HECTD4: variants seen among roughly 807,000 people sequenced by gnomAD.
HECTD4 encodes probable E3 ubiquitin-protein ligase HECTD4.
Under a neutral mutation model 471.5 loss-of-function variants are expected in HECTD4, and 114 were observed. The ratio of observed to expected loss-of-function variants is 0.24; its 90% confidence interval spans 0.21 to 0.28. The LOEUF (loss-of-function observed/expected upper bound fraction) is 0.28, where lower values mean the gene tolerates loss of function less well. HECTD4 is among the 10% of genes least tolerant of loss of function. The pLI is 1.00. For missense variants in HECTD4, 3,866 were observed against 5,651.5 expected (o/e 0.68, Z 10.13); for synonymous variants, 2,012 against 2,256.0 (o/e 0.89, Z 3.07).
rs549440187 is a variant in HECTD4, at chr12:112,194,911, T to C, written c.8723A>G (p.Asn2908Ser). Residue 2908 changes from asparagine to serine, a missense_variant, in exon 56 of 76, where the codon AAT (asparagine) becomes AGT (serine). Physicochemically the swap from Asn to Ser is conservative, Grantham distance 46. Around this residue, in one of 16 missense-constraint regions of HECTD4, gnomAD observed 266 missense variants for 441.6 expected, o/e 0.60. Transcript: ENST00000682272. The surrounding 1 kb of genome is among the most constrained non-coding windows in gnomAD (Gnocchi z 4.6). ...TGGGAGAGGAGGTGCGAGGAGCTGATTGGACAGCAGTTGCAGGTGCTCCAG... is the reference window on the plus strand; with the variant it reads ...TGGGAGAGGAGGTGCGAGGAGCTGACTGGACAGCAGTTGCAGGTGCTCCAG... ...ITLEHLQLLS[N>S]QLLAPPLPDG... is the part of the protein sequence containing the mutation. 8.1e-6 allele frequency: 13 copies of C among 1,608,556 alleles called. No individual in the cohort carries two copies. The South Asian group carries it at 8.9e-5, about 11-fold the overall frequency.
chr12:112,319,346 G>C lies in HECTD4; in HGVS notation c.574C>G (p.Leu192Val). ...CACAGCAAAGTTTCAATTCCATTGA[G>C]ACAGTCAGCAGGCTCCTTGGTCAAG... Reference protein sequence around the residue: ...LSLTKEPADCLNGIETLLCSW... With the variant: ...LSLTKEPADCVNGIETLLCSW... Residue 192 changes from leucine to valine, a missense_variant, in exon 2 of 76, where the codon CTC (leucine) becomes GTC (valine). Leu to Val is a conservative substitution (Grantham distance 32). This residue lies in a region of HECTD4 where 440 missense variants were observed against 636.0 expected (regional missense o/e 0.69). Coordinates refer to ENST00000682272, the MANE Select transcript of HECTD4 (RefSeq NM_001388303.1). This position sits in a 1 kb window ranked among gnomAD's most constrained non-coding sequence, Gnocchi z 5.3. 1.3e-6 allele frequency: 2 copies of C among 1,536,146 alleles called. No individual in the cohort carries two copies. The highest frequency in any genetic ancestry group is 1.7e-6 in the Non-Finnish European group (2 of 1,146,914).
chr12:112,365,785 T>G (rs1804095343), intron 1 of HECTD4, among the ~76,000 whole-genome samples: 1 of 149,556 alleles, frequency 6.7e-6, no homozygotes, highest in African/African-American at 2.5e-5. Context: ...TTTTTTTTTT[T>G]TTTTGAGACA....
intron 1 of HECTD4, among the ~76,000 whole-genome samples, chr12:112,377,777 G>A (rs1368175196): frequency 6.6e-6 from 1 of 152,168 alleles, no homozygotes; most frequent in Non-Finnish European, 1.5e-5. Flanking sequence ...GGCTGAGGTA[G>A]AAGAATTGCT....
Position 112,175,617 on chromosome 12 carries a change from G to T in HECTD4, c.11594+119C>A. The T allele has an allele frequency of 2.4e-6, 3 of 1,238,236 alleles. No homozygotes were observed. The South Asian group carries it at 4.4e-5, about 18-fold the overall frequency. The allele number at this position is 1,238,236 out of a possible 1,614,324, so 76.7% of individuals were successfully genotyped here. A position where few individuals can be genotyped will look rare whatever the true frequency, so the allele number is the denominator to read the frequency against. On this transcript the variant is annotated intron_variant, in intron 66 of 75. Transcript: ENST00000682272. ...ACTTAGGAAAAAACTCAGAAATTAC[G>T]AAATAACTCAGAAAGCATTATCAAC...
At chr12:112,333,608 G>A (rs1291100691) in intron 1 of HECTD4, among the ~76,000 whole-genome samples, 1 of 152,164 alleles carries the variant, frequency 6.6e-6, no homozygotes, top group Non-Finnish European at 1.5e-5. Flanking sequence ...AGCACTTTGG[G>A]AGGCCAAGGA....
In HECTD4 at chr12:112,190,777, C is replaced by T. The variant is rs1229375708; in HGVS notation, c.9472+9G>A. The T allele has an allele frequency of 6.4e-7, 1 of 1,565,956 alleles. No homozygotes were observed. The highest frequency in any genetic ancestry group is 1.4e-5 in the African/African-American group (1 of 73,912). Reference sequence around the variant, plus strand: ...CCTAGATTCCGATCCCCAGGGAAGGCAGCCTCACCTAGCAGCTCCACCACC... The same window carrying T: ...CCTAGATTCCGATCCCCAGGGAAGGTAGCCTCACCTAGCAGCTCCACCACC... On this transcript the variant is annotated intron_variant, in intron 60 of 75. Coordinates refer to ENST00000682272, the MANE Select transcript of HECTD4 (RefSeq NM_001388303.1).
At chr12:112,245,509 A>T (rs578000461) in intron 29 of HECTD4, among the ~76,000 whole-genome samples, 1 of 152,006 alleles carries the variant, frequency 6.6e-6, no homozygotes, top group African/African-American at 2.4e-5. Context: ...TGTACCACAC[A>T]CTCTCTCCCA....
chr12:112,240,587 C>A (rs1029660551), intron 32 of HECTD4, among the ~76,000 whole-genome samples: 11 of 151,674 alleles, frequency 7.3e-5, no homozygotes, highest in African/African-American at 2.7e-4. Flanking sequence ...GTAGCTGGGA[C>A]CACAGATGCA....
chr12:112,324,128 AT>A (rs769319569), intron 1 of HECTD4, among the ~76,000 whole-genome samples: 2 of 56,530 alleles, frequency 3.5e-5, no homozygotes, highest in Admixed American at 3.5e-4. Flanking sequence ...TCTTTTTTTT[AT>A]TTTTTTTTTG....
intron 19 of HECTD4, 85 bp from the exon 20 acceptor site, chr12:112,258,681 TA>T: frequency 9.4e-7 from 1 of 1,058,202 alleles, no homozygotes; most frequent in Non-Finnish European, 1.4e-6. Context: ...AGGTCTCTCT[TA>T]AATCATCTTT....
At chr12:112,308,142 A>C (rs1024627697) in intron 6 of HECTD4, among the ~76,000 whole-genome samples, 9 of 152,210 alleles carry the variant, frequency 5.9e-5, no homozygotes, top group Non-Finnish European at 1.0e-4. Flanking sequence ...TTATCAGTCA[A>C]ATGTCTGGCA....
At position 112,194,855 on chromosome 12, in the gene HECTD4, CA is replaced by C. The variant is rs775749003; in HGVS notation, c.8749+29del. On this transcript the variant is annotated intron_variant, in intron 56 of 75. Coordinates refer to ENST00000682272, the MANE Select transcript of HECTD4 (RefSeq NM_001388303.1). This position sits in a 1 kb window ranked among gnomAD's most constrained non-coding sequence, Gnocchi z 4.6. The stretch of plus-strand genomic sequence containing the variant: ...ACAGCGCCCGCCTGGTGCTAAGTTC[CA>C]GAGTGACAGCAGCAAAGCCAAGTTT... The C allele has an allele frequency of 1.3e-6, 2 of 1,587,164 alleles. No homozygotes were observed. Among genetic ancestry groups the C allele is most frequent in the Non-Finnish European group, 8.6e-7 (1 of 1,165,890 alleles).
At chr12:112,216,454 T>C (rs1424009156) in intron 47 of HECTD4, 83 bp from the exon 48 acceptor site, 1 of 931,544 alleles carries the variant, frequency 1.1e-6, no homozygotes, top group Non-Finnish European at 1.7e-6. Flanking sequence ...AGTGGTGAAG[T>C]GGAGGGGGGG....
chr12:112,305,156 C>A (rs1594029200), intron 7 of HECTD4, among the ~76,000 whole-genome samples: 1 of 152,218 alleles, frequency 6.6e-6, no homozygotes, highest in Non-Finnish European at 1.5e-5. Flanking sequence ...CATATGGCTA[C>A]TGAGCACTTG....
intron 7 of HECTD4, among the ~76,000 whole-genome samples, chr12:112,290,517 C>T (rs1408139989): frequency 6.6e-6 from 1 of 151,604 alleles, no homozygotes; most frequent in Non-Finnish European, 1.5e-5. Context: ...AAGAGCAACA[C>T]CCTGTCTCAA....
In HECTD4 at chr12:112,248,157, C is replaced by T. The variant is rs930881786; in HGVS notation, c.4158G>A (p.Leu1386=). ...MERQLQSVAE[L]EQKWQSEVDD... Reference sequence around the variant, plus strand: ...CAACTTCACTTTGCCATTTTTGTTCCAGTTCTGCAACACTCTAATAAATAC... The same window carrying T: ...CAACTTCACTTTGCCATTTTTGTTCTAGTTCTGCAACACTCTAATAAATAC... Residue 1386 remains leucine (L), a synonymous_variant, in exon 27 of 76, where the codon CTG becomes CTA. Transcript: ENST00000682272. The T allele has an allele frequency of 6.2e-6, 10 of 1,612,848 alleles. No individual in the cohort carries two copies. Among genetic ancestry groups the T allele is most frequent in the Non-Finnish European group, 8.5e-6 (10 of 1,179,344 alleles).
intron 72 of HECTD4, among the ~76,000 whole-genome samples, chr12:112,165,416 A>G (rs1423640351): frequency 1.4e-5 from 2 of 144,956 alleles, no homozygotes; most frequent in Non-Finnish European, 3.0e-5. Flanking sequence ...CAGTGGCGCG[A>G]TATCAGCTCA....
intron 44 of HECTD4, 80 bp downstream of exon 44, chr12:112,226,550 GTGTATGAAGACAC>G: frequency 1.4e-6 from 1 of 712,540 alleles, no homozygotes; most frequent in Non-Finnish European, 2.3e-6. Flanking sequence ...TTTGATGTGT[GTGTATGAAGACAC>G]TTAACATACC....
At chr12:112,370,411 T>C (rs532624805) in intron 1 of HECTD4, among the ~76,000 whole-genome samples, 94 of 152,310 alleles carry the variant, frequency 6.2e-4, no homozygotes, top group African/African-American at 2.0e-3. Flanking sequence ...ACTAAGATAC[T>C]CATCAATAGG....
Sources: gnomAD v4.1 joint callset for allele counts (sites outside exome capture counted in the v4.1 genomes callset) on GRCh38, gnomAD v4.1.1 for gene constraint, gnomAD v4.1.1 regional missense constraint, Gnocchi (gnomAD v3.1) non-coding constraint, MANE v1.5 for transcripts, NCBI Gene and HGNC (gene_info 2026-07-23, HGNC 2026-07-21) for gene names.